SLC10A7: variants seen among roughly 807,000 people sequenced by gnomAD.
SLC10A7 encodes the protein solute carrier family 10 member 7.
SLC10A7 carries 29 observed loss-of-function variants against 43.2 expected under a neutral mutation model. The ratio of observed to expected loss-of-function variants is 0.67; its 90% CI spans 0.50 to 0.92. The LOEUF (loss-of-function observed/expected upper bound fraction) is 0.92, where lower values mean the gene tolerates loss of function less well. Ranked by LOEUF, SLC10A7 falls within the 40% of genes least tolerant of loss-of-function variation. The pLI is 0.00. For missense variants in SLC10A7, 295 were observed against 403.2 expected (o/e 0.73, Z 2.30); for synonymous variants, 152 against 144.8 (o/e 1.05, Z -0.35).
At chr4:146,356,894 A>T (rs1038387440) in intron 5 of SLC10A7, among the ~76,000 whole-genome samples, 2 of 152,180 alleles carry the variant, frequency 1.3e-5, no homozygotes, top group Non-Finnish European at 2.9e-5. Context: ...CTTAATTTAT[A>T]ATACTATACC....
Position 146,442,838 on chromosome 4 carries a change from T to C in SLC10A7, c.397-17A>G, listed in dbSNP as rs369765360. 8 of 1,530,208 alleles carry C rather than the reference T, an allele frequency of 5.2e-6. No individual in the cohort carries two copies. Among genetic ancestry groups the C allele is most frequent in the Non-Finnish European group, 7.1e-6 (8 of 1,126,508 alleles). The allele number at this position is 1,530,208 out of a possible 1,614,324, so 94.8% of individuals were successfully genotyped here. On this transcript the variant is annotated splice_polypyrimidine_tract_variant and intron_variant, in intron 4 of 11. Transcript: ENST00000335472. The stretch of plus-strand genomic sequence containing the variant: ...TGCAGCTGCCTATGAAGAAAATAAA[T>C]AGGGGAAAAAAACTCATTGAAAGTA...
chr4:146,423,922 C>T (rs1729132706), intron 5 of SLC10A7, among the ~76,000 whole-genome samples: 2 of 152,192 alleles, frequency 1.3e-5, no homozygotes, highest in African/African-American at 2.4e-5. Context: ...GTTAGAAAAT[C>T]ACTGGCCTAG....
intron 5 of SLC10A7, among the ~76,000 whole-genome samples, chr4:146,379,503 C>G (rs981096140): frequency 2.0e-5 from 3 of 152,086 alleles, no homozygotes; most frequent in African/African-American, 7.2e-5. Context: ...ATATTCAAAA[C>G]TAGGATAGCT....
chr4:146,323,740 G>A (rs908376302), intron 6 of SLC10A7, among the ~76,000 whole-genome samples: 2 of 152,126 alleles, frequency 1.3e-5, no homozygotes, highest in African/African-American at 4.8e-5. Flanking sequence ...AAAACTGGAA[G>A]CATTCCCTTT....
At chr4:146,306,315 T>G (rs753813015) in intron 6 of SLC10A7, among the ~76,000 whole-genome samples, 25 of 152,306 alleles carry the variant, frequency 1.6e-4, no homozygotes, top group Non-Finnish European at 3.1e-4. Context: ...TGGCATGATA[T>G]TTCATCAACA....
chr4:146,506,177 C>T (rs886214149), intron 3 of SLC10A7, among the ~76,000 whole-genome samples: 1 of 152,014 alleles, frequency 6.6e-6, no homozygotes, highest in African/African-American at 2.4e-5. Flanking sequence ...AAAAATTTTG[C>T]TTGAACTCAG....
rs545842211 is a variant in SLC10A7, at chr4:146,337,928, T to C, written c.436-11932A>G. On this transcript the variant is annotated intron_variant, in intron 5 of 11. Coordinates refer to ENST00000335472, the MANE Select transcript of SLC10A7 (RefSeq NM_001029998.6). Reference sequence around the variant, plus strand: ...ATTAAAATTAGAGTCAACGATTACATATATAACTTGCCACTGGTGTTGGAA... The same window carrying C: ...ATTAAAATTAGAGTCAACGATTACACATATAACTTGCCACTGGTGTTGGAA... Among the ~76,000 whole-genome samples the C allele has an allele frequency of 4.8e-4, 73 of 152,098 alleles. 2 individuals are homozygous for C. In the South Asian group the frequency reaches 0.013, roughly 26 times the overall value.
At chr4:146,365,855 A>G (rs2679151) in intron 5 of SLC10A7, among the ~76,000 whole-genome samples, 1,668 of 152,334 alleles carry the variant, frequency 0.011, 25 homozygotes, top group African/African-American at 0.038. Context: ...TGGACCAACC[A>G]GTCTGTGGCC....
intron 4 of SLC10A7, among the ~76,000 whole-genome samples, chr4:146,481,246 AGT>A (rs1734448229): frequency 6.6e-6 from 1 of 152,152 alleles, no homozygotes; most frequent in African/African-American, 2.4e-5. Flanking sequence ...CCCACTCCCC[AGT>A]CCAAATAGGC....
At position 146,256,460 on chromosome 4, in the gene SLC10A7, A is replaced by G. The variant is rs780745055; in HGVS notation, c.*31T>C. The G allele has an allele frequency of 2.5e-6, 4 of 1,611,074 alleles. No individual in the cohort carries two copies. Among genetic ancestry groups the G allele is most frequent in the Non-Finnish European group, 3.4e-6 (4 of 1,177,224 alleles). On this transcript the variant is annotated 3_prime_UTR_variant, in exon 12 of 12. Transcript: ENST00000335472. ...CTAGTATGTACAATCCTGTACATAT[A>G]TACATTGCTACAGAAAGTCCACCTC...
At chr4:146,466,246 G>A (rs1446214576) in intron 4 of SLC10A7, among the ~76,000 whole-genome samples, 1 of 152,138 alleles carries the variant, frequency 6.6e-6, no homozygotes, top group Non-Finnish European at 1.5e-5. Flanking sequence ...ATGCAAATTG[G>A]AGTCCAGAAG....
intron 5 of SLC10A7, among the ~76,000 whole-genome samples, chr4:146,332,750 T>G (rs72950658): frequency 6.6e-6 from 1 of 152,164 alleles, no homozygotes; most frequent in African/African-American, 2.4e-5. Context: ...TAATACACCA[T>G]GCTTGTCAAG....
intron 5 of SLC10A7, among the ~76,000 whole-genome samples, chr4:146,420,861 C>T (rs1201768819): frequency 6.6e-6 from 1 of 151,916 alleles, no homozygotes; most frequent in African/African-American, 2.4e-5. Flanking sequence ...TCTGTCTCTA[C>T]ACAAAAATTT....
intron 1 of SLC10A7, among the ~76,000 whole-genome samples, chr4:146,520,885 T>C (rs981200749): frequency 2.0e-5 from 3 of 152,144 alleles, no homozygotes; most frequent in African/African-American, 7.2e-5. Context: ...CCAGTGCCCA[T>C]CATCTCCTGT....
At chr4:146,414,578 G>A (rs1168335203) in intron 5 of SLC10A7, among the ~76,000 whole-genome samples, 1 of 152,028 alleles carries the variant, frequency 6.6e-6, no homozygotes, top group African/African-American at 2.4e-5. Flanking sequence ...ACAAAAATTA[G>A]CCAGGTGTGG....
chr4:146,511,969 CTTTTT>C (rs765683134), intron 2 of SLC10A7, among the ~76,000 whole-genome samples: 3 of 98,860 alleles, frequency 3.0e-5, no homozygotes, highest in African/African-American at 1.2e-4. Flanking sequence ...TGCATATACT[CTTTTT>C]TTTTTTTTTT....
At chr4:146,343,048 T>A (rs193084425) in intron 5 of SLC10A7, among the ~76,000 whole-genome samples, 86 of 152,108 alleles carry the variant, frequency 5.7e-4, no homozygotes, top group African/African-American at 2.0e-3. Flanking sequence ...ATAATAAATG[T>A]CATTTTTGAG....
intron 5 of SLC10A7, among the ~76,000 whole-genome samples, chr4:146,353,461 A>G (rs1430529650): frequency 7.2e-6 from 1 of 138,712 alleles, no homozygotes; most frequent in Non-Finnish European, 1.5e-5. Flanking sequence ...CAGAGGTACA[A>G]GGAGGAACTG....
chr4:146,506,901 A>C (rs1304543722), intron 3 of SLC10A7, among the ~76,000 whole-genome samples: 1 of 152,142 alleles, frequency 6.6e-6, no homozygotes, highest in Non-Finnish European at 1.5e-5. Context: ...GCCACTCTAA[A>C]CTAAGCATGT....
Sources: allele counts gnomAD v4.1 joint callset (sites outside exome capture counted in the v4.1 genomes callset), GRCh38; gene constraint gnomAD v4.1.1; transcripts MANE v1.5; gene names NCBI Gene and HGNC (gene_info 2026-07-23, HGNC 2026-07-21).